Variants in SLC45A4 observed in about 807,000 individuals in gnomAD.
SLC45A4 encodes polyamine-transporter SLC45A4.
In SLC45A4, 32 loss-of-function variants were observed where a neutral mutation model predicts 63.7. The ratio of observed to expected loss-of-function variants is 0.50; its 90% CI spans 0.38 to 0.67. SLC45A4 has a LOEUF of 0.67. SLC45A4 is among the 30% of genes least tolerant of loss of function. SLC45A4 has a pLI of 0.00. For missense variants in SLC45A4, 1,027 were observed against 1,157.7 expected, an observed-to-expected ratio of 0.89 and a Z score of 1.64; for synonymous variants, 535 against 510.0, an observed-to-expected ratio of 1.05 and a Z score of -0.66.
At chr8:141,239,463 G>A (rs115323054) in intron 2 of SLC45A4, among the ~76,000 whole-genome samples, 1,984 of 152,220 alleles carry the variant, frequency 0.013, 58 homozygotes, top group African/African-American at 0.045. Flanking sequence ...CTCAGCTTCC[G>A]AGTTTCACAC....
chr8:141,284,909 A>C (rs1260817342), intron 1 of SLC45A4, among the ~76,000 whole-genome samples: 1 of 152,016 alleles, frequency 6.6e-6, no homozygotes, highest in Non-Finnish European at 1.5e-5. Flanking sequence ...GCTGACATTT[A>C]GGAGCTCTGT....
chr8:141,228,918 C>T (rs911340757), intron 2 of SLC45A4, among the ~76,000 whole-genome samples: 8 of 152,284 alleles, frequency 5.3e-5, no homozygotes, highest in South Asian at 2.1e-4. Context: ...CTGTCACCCA[C>T]CACTCATGCT....
intron 1 of SLC45A4, among the ~76,000 whole-genome samples, chr8:141,302,266 G>GT (rs1411483736): frequency 6.6e-6 from 1 of 151,846 alleles, no homozygotes; most frequent in Non-Finnish European, 1.5e-5. Context: ...AGTTTTTTTT[G>GT]TTTTTTAGAT....
At chr8:141,240,610 GT>G (rs1354687233) in intron 2 of SLC45A4, among the ~76,000 whole-genome samples, 1 of 152,220 alleles carries the variant, frequency 6.6e-6, no homozygotes, top group African/African-American at 2.4e-5. Context: ...GGTGGGGACA[GT>G]GCCTGTTGTC....
chr8:141,215,903 C>G lies in SLC45A4; in HGVS notation c.1797G>C (p.Leu599=). The G allele has an allele frequency of 6.2e-7, 1 of 1,614,122 alleles. No homozygotes were observed. The highest frequency in any genetic ancestry group is 1.1e-5 in the South Asian group (1 of 91,088). Residue 599 remains leucine, a synonymous_variant, in exon 7 of 9, where the codon CTG becomes CTC. Transcript: ENST00000517878. This position sits in a 1 kb window ranked among gnomAD's most constrained non-coding sequence, Gnocchi z 4.3. ...TCACGGCTGTGCCGACAGAGAAGCC[C>G]AGCGTCCCCAGCACGTAGATCACCC... is the stretch of plus-strand genomic sequence containing the variant. ...SVRVIYVLGT[L]GFSVGTAVMA...
At chr8:141,268,328 G>A (rs1189152199) in intron 1 of SLC45A4, among the ~76,000 whole-genome samples, 2 of 152,170 alleles carry the variant, frequency 1.3e-5, no homozygotes, top group East Asian at 1.9e-4. Flanking sequence ...GGCTGAGGAG[G>A]GTGTCAGGGC....
Position 141,218,169 on chromosome 8 carries a change from C to T in SLC45A4, c.1471G>A (p.Glu491Lys), listed in dbSNP as rs752252469. 4.4e-6 allele frequency: 7 copies of T among 1,607,094 alleles called. No homozygotes were observed. The highest frequency in any genetic ancestry group is 1.1e-5 in the South Asian group (1 of 91,068). Residue 491 changes from glutamate (E) to lysine (K), a missense_variant, in exon 5 of 9, where the codon GAG becomes AAG. Glu to Lys is a moderately conservative substitution (Grantham distance 56). Transcript: ENST00000517878. The stretch of plus-strand genomic sequence containing the variant: ...AGCCACAGCAGGCGCACCGTGGTCT[C>T]GCCCTCCCCCTCCTCACTCTCGGTG... ...GDTESEEGEG[E>K]TTVRLLWLSM...
chr8:141,217,040 C>A, intron 6 of SLC45A4, 50 bp downstream of exon 6: 1 of 1,573,374 alleles, frequency 6.4e-7, no homozygotes, highest in Non-Finnish European at 8.7e-7. Flanking sequence ...CATTTCTAAT[C>A]ACTGAGTTTT....
At chr8:141,222,674 G>A (rs1374695052) in intron 2 of SLC45A4, among the ~76,000 whole-genome samples, 2 of 152,232 alleles carry the variant, frequency 1.3e-5, no homozygotes, top group African/African-American at 2.4e-5. Flanking sequence ...GGGAACGAGC[G>A]GCCGCCTTGT....
rs1336720966 is a variant in SLC45A4 at position 141,227,195 on chromosome 8, A to G, written c.242-5430T>C. On this transcript the variant is annotated intron_variant, in intron 2 of 8. Coordinates refer to ENST00000517878, the MANE Select transcript of SLC45A4 (RefSeq NM_001286646.2). The surrounding 1 kb of genome is among the most constrained non-coding windows in gnomAD (Gnocchi z 4.4). ...CCAGGAAGGCTCTCCGTTCACAGGA[A>G]ATACTGTGTCACCGCTCGGCCGCAG... 6.6e-6 allele frequency among the ~76,000 whole-genome samples: 1 copy of G among 152,180 alleles called. No individual in the cohort carries two copies. The highest frequency in any genetic ancestry group is 1.5e-5 in the Non-Finnish European group (1 of 68,030).
intron 1 of SLC45A4, among the ~76,000 whole-genome samples, chr8:141,257,560 T>C (rs982446392): frequency 6.6e-6 from 1 of 152,244 alleles, no homozygotes; most frequent in African/African-American, 2.4e-5. Flanking sequence ...GTGCCTGAAG[T>C]GAAGCCGTCT....
At chr8:141,285,589 C>T (rs11786256) in intron 1 of SLC45A4, among the ~76,000 whole-genome samples, 55,760 of 152,064 alleles carry the variant, frequency 0.37, 10,802 homozygotes, top group East Asian at 0.54. Context: ...GCACTCCACC[C>T]ACTGCACATC....
At chr8:141,246,357 C>A (rs76927437) in intron 2 of SLC45A4, among the ~76,000 whole-genome samples, 3 of 152,154 alleles carry the variant, frequency 2.0e-5, no homozygotes, top group Non-Finnish European at 4.4e-5. Context: ...CACAGCTCTG[C>A]GGGGTGGCTC....
At chr8:141,240,323 G>A (rs1827849750) in intron 2 of SLC45A4, among the ~76,000 whole-genome samples, 1 of 152,136 alleles carries the variant, frequency 6.6e-6, no homozygotes, top group African/African-American at 2.4e-5. Context: ...ACAAAAGAAC[G>A]CCCCTTTTTT....
chr8:141,230,086 A>G (rs1284052660), intron 2 of SLC45A4: 1 of 456,316 alleles, frequency 2.2e-6, no homozygotes, highest in East Asian at 6.9e-5. Flanking sequence ...TACTCTCGGT[A>G]AATGAATTAC....
chr8:141,277,796 C>T (rs1432460597), intron 1 of SLC45A4, among the ~76,000 whole-genome samples: 6 of 152,184 alleles, frequency 3.9e-5, no homozygotes, highest in South Asian at 2.1e-4. Flanking sequence ...CCCACCACCA[C>T]GCCCGGCTAA....
In SLC45A4 at chr8:141,227,604, G is replaced by C. The variant is rs1449986965; in HGVS notation, c.242-5839C>G. Among the ~76,000 whole-genome samples the C allele has an allele frequency of 6.6e-6, 1 of 152,146 alleles. No individual in the cohort carries two copies. ...CCAGACAGGAAAGACACTGGGCCGG[G>C]GGAGCCGGGCCCCCAGGGCTCGGGC... On this transcript the variant is annotated intron_variant, in intron 2 of 8. Coordinates refer to ENST00000517878, the MANE Select transcript of SLC45A4 (RefSeq NM_001286646.2). This position sits in a 1 kb window ranked among gnomAD's most constrained non-coding sequence, Gnocchi z 4.4.
intron 2 of SLC45A4, among the ~76,000 whole-genome samples, chr8:141,245,820 T>C (rs543853830): frequency 6.3e-4 from 96 of 152,290 alleles, no homozygotes; most frequent in African/African-American, 2.1e-3. Context: ...CTGAAGAAGA[T>C]AGCACACTGC....
chr8:141,267,856 G>T (rs562625525), intron 1 of SLC45A4, among the ~76,000 whole-genome samples: 1 of 152,062 alleles, frequency 6.6e-6, no homozygotes, highest in South Asian at 2.1e-4. Flanking sequence ...CTCGTTCACG[G>T]TTGGCAGAAA....
Sources: gnomAD v4.1 joint callset for allele counts (sites outside exome capture counted in the v4.1 genomes callset) on GRCh38, gnomAD v4.1.1 for gene constraint, Gnocchi (gnomAD v3.1) non-coding constraint, MANE v1.5 for transcripts, NCBI Gene and HGNC (gene_info 2026-07-23, HGNC 2026-07-21) for gene names.